FHOD3: variants seen among roughly 807,000 people sequenced by gnomAD.
FHOD3 encodes the protein FH1/FH2 domain-containing protein 3.
In FHOD3, 90 loss-of-function variants were observed where a neutral mutation model predicts 173.0. The observed-to-expected ratio is 0.52, with a 90% CI of 0.44 to 0.62. The LOEUF (loss-of-function observed/expected upper bound fraction) is 0.62, where lower values mean the gene tolerates loss of function less well. Ranked by LOEUF, FHOD3 falls within the 20% of genes least tolerant of loss-of-function variation. The probability of loss-of-function intolerance (pLI) is 0.00; values close to 1 mark genes in which losing one functional copy is unlikely to be tolerated. For synonymous variants in FHOD3, 828 were observed against 823.0 expected, an observed-to-expected ratio of 1.01 and a Z score of -0.10; for missense variants, 1,945 against 2,034.7, an observed-to-expected ratio of 0.96 and a Z score of 0.85.
intron 1 of FHOD3, among the ~76,000 whole-genome samples, chr18:36,316,881 AC>A (rs1271837973): frequency 6.1e-5 from 7 of 113,922 alleles, no homozygotes; most frequent in African/African-American, 2.4e-4. Flanking sequence ...CAGCCCCCCC[AC>A]CCCCTGACAG....
chr18:36,395,874 TTGTC>T (rs1258782563), intron 3 of FHOD3, among the ~76,000 whole-genome samples: 1 of 152,222 alleles, frequency 6.6e-6, no homozygotes, highest in Non-Finnish European at 1.5e-5. Flanking sequence ...AAGAGGTAAT[TTGTC>T]TGTAGATATT....
At chr18:36,367,292 G>T (rs1267390993) in intron 2 of FHOD3, among the ~76,000 whole-genome samples, 3 of 152,156 alleles carry the variant, frequency 2.0e-5, no homozygotes, top group African/African-American at 7.2e-5. Context: ...TAGTCCCCTT[G>T]GCACTTGGGT....
chr18:36,363,934 T>C (rs995591881), intron 2 of FHOD3, among the ~76,000 whole-genome samples: 2 of 152,154 alleles, frequency 1.3e-5, no homozygotes, highest in Non-Finnish European at 2.9e-5. Flanking sequence ...TGCTCTACTT[T>C]CTATGAAATT....
At chr18:36,456,965 G>A (rs551545778) in intron 3 of FHOD3, among the ~76,000 whole-genome samples, 5 of 152,118 alleles carry the variant, frequency 3.3e-5, no homozygotes, top group Non-Finnish European at 7.4e-5. Context: ...TCCCTGTTTA[G>A]CACCTGCATC....
intron 2 of FHOD3, among the ~76,000 whole-genome samples, chr18:36,359,518 A>G (rs532829828): frequency 2.0e-3 from 299 of 150,178 alleles, no homozygotes; most frequent in African/African-American, 7.2e-3. Context: ...TGACGTTGTC[A>G]TTGTGTGGCC....
At chr18:36,692,665 T>G (rs2039034693) in intron 16 of FHOD3, among the ~76,000 whole-genome samples, 1 of 152,208 alleles carries the variant, frequency 6.6e-6, no homozygotes, top group Admixed American at 6.5e-5. Context: ...ATAAAAAAAG[T>G]TTCCATGGTC....
At chr18:36,445,567 T>TTTTG (rs1189531973) in intron 3 of FHOD3, among the ~76,000 whole-genome samples, 5 of 152,224 alleles carry the variant, frequency 3.3e-5, no homozygotes, top group Non-Finnish European at 7.3e-5. Context: ...TTATTTCCCT[T>TTTTG]CTCTACTCCC....
chr18:36,471,336 ATCCTGCTTTACTG>A (rs1828912557), intron 3 of FHOD3, among the ~76,000 whole-genome samples: 1 of 152,152 alleles, frequency 6.6e-6, no homozygotes, highest in African/African-American at 2.4e-5. Flanking sequence ...GCCAGCTTGC[ATCCTGCTTTACTG>A]TCTGCTTTCT....
chr18:36,389,396 A>T lies in FHOD3; in HGVS notation c.337+16652A>T, dbSNP rs80050643. On this transcript the variant is annotated intron_variant, in intron 3 of 28. Transcript: ENST00000590592. ...GCCTTTGTCAGTTGACTTGTGGAGA[A>T]TGCACAGGGTTCTTCTGCAAACAGT... is the stretch of plus-strand genomic sequence containing the variant. Among the ~76,000 whole-genome samples, 230 of 152,310 alleles carry T rather than the reference A, an allele frequency of 1.5e-3. 1 individual carries two copies. Among genetic ancestry groups the T allele is most frequent in the African/African-American group, 5.4e-3 (225 of 41,566 alleles).
intron 20 of FHOD3, among the ~76,000 whole-genome samples, chr18:36,731,237 T>C (rs1040047241): frequency 1.3e-5 from 2 of 152,214 alleles, no homozygotes; most frequent in Non-Finnish European, 2.9e-5. Flanking sequence ...TTTCATTTGA[T>C]AAGCCAGAGA....
intron 5 of FHOD3, among the ~76,000 whole-genome samples, chr18:36,517,075 A>T (rs1466727831): frequency 6.6e-6 from 1 of 152,084 alleles, no homozygotes; most frequent in African/African-American, 2.4e-5. Flanking sequence ...GTTACAGTGT[A>T]GGCAAGTGCT....
rs538135433 is a variant in FHOD3, at chr18:36,317,746, GAA to G, written c.165+19747_165+19748del. Among the ~76,000 whole-genome samples, 75 of 152,024 alleles carry G rather than the reference GAA, an allele frequency of 4.9e-4. 1 individual carries two copies. Among genetic ancestry groups the G allele is most frequent in the Non-Finnish European group, 8.2e-4 (56 of 67,972 alleles). On this transcript the variant is annotated intron_variant, in intron 1 of 28. Coordinates refer to ENST00000590592, the MANE Select transcript of FHOD3 (RefSeq NM_001281740.3). Reference sequence around the variant, plus strand: ...TTTAGTTTAATTAGATCCCATTTGTGAATTTTGGCTTTTGTTGCCATTGCTTT... The same window carrying G: ...TTTAGTTTAATTAGATCCCATTTGTGTTTTGGCTTTTGTTGCCATTGCTTT...
chr18:36,482,876 G>C (rs1406652820), intron 3 of FHOD3, among the ~76,000 whole-genome samples: 2,046 of 149,080 alleles, frequency 0.014, 51 homozygotes, highest in African/African-American at 0.047. Context: ...GAGAGAGAGA[G>C]AGAGAGAGAG....
rs112418253 is a variant in FHOD3 at position 36,683,794 on chromosome 18, G to T, written c.1970+2224G>T. 4.7e-4 allele frequency among the ~76,000 whole-genome samples: 71 copies of T among 152,314 alleles called. 1 individual carries two copies. Among genetic ancestry groups the T allele is most frequent in the African/African-American group, 1.5e-3 (64 of 41,572 alleles). Reference sequence around the variant, plus strand: ...CAGTGTCCAGGCAGTTGCCTGAAATGGGAGAGAGGGGAACTCTTCCTCTGA... The same window carrying T: ...CAGTGTCCAGGCAGTTGCCTGAAATTGGAGAGAGGGGAACTCTTCCTCTGA... On this transcript the variant is annotated intron_variant, in intron 15 of 28. Transcript: ENST00000590592.
At chr18:36,448,445 C>G (rs558607771) in intron 3 of FHOD3, among the ~76,000 whole-genome samples, 1 of 152,276 alleles carries the variant, frequency 6.6e-6, no homozygotes, top group East Asian at 1.9e-4. Flanking sequence ...CCCCACCAGC[C>G]CTGCCCTGCC....
chr18:36,454,816 C>G (rs546815311), intron 3 of FHOD3, among the ~76,000 whole-genome samples: 1 of 152,276 alleles, frequency 6.6e-6, no homozygotes, highest in South Asian at 2.1e-4. Flanking sequence ...CCTTTTAAAA[C>G]TTTCAACCAG....
chr18:36,461,198 A>G (rs2052530054), intron 3 of FHOD3, among the ~76,000 whole-genome samples: 3 of 152,102 alleles, frequency 2.0e-5, no homozygotes, highest in African/African-American at 7.2e-5. Flanking sequence ...TTCCATTGCT[A>G]TCAGCCACTG....
At chr18:36,719,786 C>T (rs1209799648) in intron 19 of FHOD3, among the ~76,000 whole-genome samples, 1 of 152,190 alleles carries the variant, frequency 6.6e-6, no homozygotes, top group Non-Finnish European at 1.5e-5. Context: ...CAAGTGAGCC[C>T]TTCAGACGAG....
At position 36,341,028 on chromosome 18, in the gene FHOD3, C is replaced by A. The variant is rs1339788615; in HGVS notation, c.166-14511C>A. ...TCTTCCTCTTCCTTGTATTCTCTTG[C>A]GCAGCAGCTAAGAACAATGTCTCAT... is the stretch of plus-strand genomic sequence containing the variant. On this transcript the variant is annotated intron_variant, in intron 1 of 28. Transcript: ENST00000590592. Among the ~76,000 whole-genome samples the A allele has an allele frequency of 2.0e-5, 3 of 152,118 alleles. No individual in the cohort carries two copies. In the East Asian group the frequency reaches 5.8e-4, roughly 29 times the overall value.
Sources: allele counts gnomAD v4.1 joint callset (sites outside exome capture counted in the v4.1 genomes callset), GRCh38; gene constraint gnomAD v4.1.1; transcripts MANE v1.5; gene names NCBI Gene and HGNC (gene_info 2026-07-23, HGNC 2026-07-21).